Variants in ELMO1 observed in about 807,000 individuals in gnomAD.
ELMO1 encodes the protein engulfment and cell motility protein 1.
Under a neutral mutation model 98.9 loss-of-function variants are expected in ELMO1, and 26 were observed. The ratio of observed to expected loss-of-function variants is 0.26; its 90% confidence interval spans 0.19 to 0.36. The LOEUF is 0.36. Among genes scored for constraint, ELMO1 ranks in the 10% least tolerant of loss-of-function variants. The pLI is 1.00. For synonymous variants in ELMO1, 346 were observed against 346.0 expected (o/e 1.00, Z 0.00); for missense variants, 627 against 935.2 (o/e 0.67, Z 4.30).
Position 37,263,088 on chromosome 7 carries a change from C to A in ELMO1, c.244-3738G>T, listed in dbSNP as rs185277774. On this transcript the variant is annotated intron_variant, in intron 5 of 21. Transcript: ENST00000310758. The stretch of plus-strand genomic sequence containing the variant: ...TTTTTCCAATTGGATCCAGAACAGG[C>A]AGGGATATACCTTCTTTTTATCTTC... 3.4e-3 allele frequency among the ~76,000 whole-genome samples: 523 copies of A among 152,188 alleles called. 6 individuals carry two copies. The highest frequency in any genetic ancestry group is 4.2e-3 in the Non-Finnish European group (287 of 67,996).
chr7:37,067,272 A>G (rs1248586100), intron 15 of ELMO1, among the ~76,000 whole-genome samples: 4 of 152,212 alleles, frequency 2.6e-5, no homozygotes, highest in Admixed American at 2.0e-4. Flanking sequence ...AAGGTGCCCC[A>G]TCAATTGAAA....
chr7:37,057,501 T>C (rs1266614149), intron 15 of ELMO1, among the ~76,000 whole-genome samples: 1 of 152,256 alleles, frequency 6.6e-6, no homozygotes, highest in East Asian at 1.9e-4. Flanking sequence ...TGAAATAATC[T>C]ACACAAGAGC....
At chr7:37,080,125 T>C (rs1483776851) in intron 15 of ELMO1, among the ~76,000 whole-genome samples, 2 of 152,156 alleles carry the variant, frequency 1.3e-5, no homozygotes, top group African/African-American at 4.8e-5. Flanking sequence ...CATCCAATCA[T>C]CCAGGAAAAT....
intron 16 of ELMO1, among the ~76,000 whole-genome samples, chr7:36,995,520 A>T (rs948061772): frequency 1.3e-5 from 2 of 151,978 alleles, no homozygotes; most frequent in African/African-American, 4.8e-5. Context: ...AAAAAAAAAA[A>T]TCATTCAATC....
intron 8 of ELMO1, among the ~76,000 whole-genome samples, chr7:37,231,523 G>A (rs1794175760): frequency 1.3e-5 from 2 of 152,032 alleles, no homozygotes; most frequent in Admixed American, 1.3e-4. Flanking sequence ...TGAACCATGA[G>A]GGAAATATCA....
intron 15 of ELMO1, among the ~76,000 whole-genome samples, chr7:37,066,823 G>A (rs1435516172): frequency 6.6e-6 from 1 of 152,178 alleles, no homozygotes; most frequent in Admixed American, 6.5e-5. Flanking sequence ...TCAAGAGCTT[G>A]CATGATTTTT....
chr7:36,859,448 C>A (rs1247461981), intron 21 of ELMO1, among the ~76,000 whole-genome samples: 1 of 152,106 alleles, frequency 6.6e-6, no homozygotes, highest in East Asian at 1.9e-4. Flanking sequence ...TGGATGGGAG[C>A]ACAGGTGAAC....
chr7:36,855,775 G>A lies in ELMO1; in HGVS notation c.1984-24C>T, dbSNP rs1453806716. The stretch of plus-strand genomic sequence containing the variant: ...TACTGGCAGGAAGGGAGGCAACAGC[G>A]ATCATTACTGGTGGCAATTACAGAA... On this transcript the variant is annotated intron_variant, in intron 21 of 21. Transcript: ENST00000310758. The surrounding 1 kb of genome is among the most constrained non-coding windows in gnomAD (Gnocchi z 4.2). 5 of 1,613,194 alleles carry A rather than the reference G, an allele frequency of 3.1e-6. No individual in the cohort carries two copies. Among genetic ancestry groups the A allele is most frequent in the African/African-American group, 1.3e-5 (1 of 74,998 alleles).
At chr7:37,336,750 G>T (rs1351885766) in intron 2 of ELMO1, among the ~76,000 whole-genome samples, 2 of 152,074 alleles carry the variant, frequency 1.3e-5, no homozygotes, top group Non-Finnish European at 2.9e-5. Context: ...CCACCAAAAA[G>T]GGGAGCCCTG....
chr7:36,949,752 T>C (rs1019415247), intron 16 of ELMO1, among the ~76,000 whole-genome samples: 1 of 152,036 alleles, frequency 6.6e-6, no homozygotes, highest in South Asian at 2.1e-4. Context: ...GTAGAATGTT[T>C]AGCAGCATAT....
intron 15 of ELMO1, among the ~76,000 whole-genome samples, chr7:37,058,672 G>A (rs35452074): frequency 0.24 from 36,426 of 151,892 alleles, 5,280 homozygotes; most frequent in African/African-American, 0.41. Context: ...CCTTTCCTCC[G>A]GAGAATCTCA....
rs556753859 is a variant in ELMO1, at chr7:37,339,106, G to T, written c.78+3507C>A. Among the ~76,000 whole-genome samples, 132 of 152,302 alleles carry T rather than the reference G, an allele frequency of 8.7e-4. 1 individual carries two copies. The highest frequency in any genetic ancestry group is 3.1e-3 in the African/African-American group (130 of 41,552). On this transcript the variant is annotated intron_variant, in intron 2 of 21. Transcript: ENST00000310758. ...TTTTAAGGACTGTTCACCAGGCAAG[G>T]AGAAACAACACTCAAAGACAGGCAG...
chr7:37,237,284 A>AT (rs1349862470), intron 7 of ELMO1, among the ~76,000 whole-genome samples: 6 of 151,998 alleles, frequency 3.9e-5, no homozygotes, highest in African/African-American at 1.4e-4. Flanking sequence ...TTAATACAGA[A>AT]TTTTATTTAT....
At chr7:36,904,374 G>C (rs1562811802) in intron 16 of ELMO1, among the ~76,000 whole-genome samples, 1 of 152,244 alleles carries the variant, frequency 6.6e-6, no homozygotes, top group African/African-American at 2.4e-5. Context: ...TAATGAAACA[G>C]GAATGGATGG....
chr7:37,225,875 C>T (rs920829719), intron 8 of ELMO1, among the ~76,000 whole-genome samples: 1 of 152,152 alleles, frequency 6.6e-6, no homozygotes, highest in Non-Finnish European at 1.5e-5. Flanking sequence ...TGACAGCTCA[C>T]AATAAAAAGC....
At chr7:37,041,943 G>A (rs1257916443) in intron 15 of ELMO1, among the ~76,000 whole-genome samples, 1 of 151,984 alleles carries the variant, frequency 6.6e-6, no homozygotes, top group Non-Finnish European at 1.5e-5. Flanking sequence ...TACATTTCAC[G>A]ATATATGTAA....
chr7:37,161,905 A>AATATATATATATATACATATATATATAT (rs1789230202), intron 13 of ELMO1, among the ~76,000 whole-genome samples: 1 of 42,380 alleles, frequency 2.4e-5, no homozygotes, highest in African/African-American at 7.2e-5. Context: ...CAGGTAATCA[A>AATATATATATATATACATATATATATAT]ATATATATAT....
intron 20 of ELMO1, among the ~76,000 whole-genome samples, chr7:36,867,233 T>C (rs1209635862): frequency 6.6e-6 from 1 of 152,184 alleles, no homozygotes; most frequent in Non-Finnish European, 1.5e-5. Context: ...ATCCATCCTA[T>C]GTTTTATGAG....
intron 13 of ELMO1, among the ~76,000 whole-genome samples, chr7:37,159,900 C>T (rs896034325): frequency 1.3e-5 from 2 of 152,098 alleles, no homozygotes; most frequent in Non-Finnish European, 2.9e-5. Context: ...GAGTGGTAGG[C>T]ACATACATGA....
Sources: gnomAD v4.1 joint callset for allele counts (sites outside exome capture counted in the v4.1 genomes callset) on GRCh38, gnomAD v4.1.1 for gene constraint, Gnocchi (gnomAD v3.1) non-coding constraint, MANE v1.5 for transcripts, NCBI Gene and HGNC (gene_info 2026-07-23, HGNC 2026-07-21) for gene names.